PPARGC1A: variants seen among roughly 807,000 people sequenced by gnomAD.
PPARGC1A encodes PPARG coactivator 1 alpha, also known as peroxisome proliferator-activated receptor gamma coactivator 1-alpha.
In PPARGC1A, 25 loss-of-function variants were observed where a neutral mutation model predicts 88.7. The ratio of observed to expected loss-of-function variants is 0.28; its 90% CI spans 0.21 to 0.39. The LOEUF (loss-of-function observed/expected upper bound fraction) is 0.39, where lower values mean the gene tolerates loss of function less well. PPARGC1A is among the 10% of genes least tolerant of loss of function. The pLI, the probability that PPARGC1A is intolerant of heterozygous loss-of-function variation, is 1.00. For missense variants in PPARGC1A, 880 were observed against 968.7 expected (o/e 0.91, Z 1.22); for synonymous variants, 363 against 355.6 (o/e 1.02, Z -0.24).
At chr4:24,393,863 C>A in the PPARGC1A span, among the ~76,000 whole-genome samples, 1 of 152,166 alleles carries the variant, frequency 6.6e-6, no homozygotes, top group Non-Finnish European at 1.5e-5. Flanking sequence ...TCACATCTGT[C>A]ATCTCAATGT....
At chr4:24,225,321 G>A in the PPARGC1A span, among the ~76,000 whole-genome samples, 5 of 152,290 alleles carry the variant, frequency 3.3e-5, no homozygotes, top group East Asian at 7.7e-4. Flanking sequence ...TCTAATCCCT[G>A]CACTTTGAGA....
chr4:24,322,445 A>T, the PPARGC1A span, among the ~76,000 whole-genome samples: 1 of 152,344 alleles, frequency 6.6e-6, no homozygotes, highest in African/African-American at 2.4e-5. Context: ...CAGACACTTT[A>T]TTCCTAGCTG....
At chr4:24,103,595 C>A in the PPARGC1A span, among the ~76,000 whole-genome samples, 944 of 121,064 alleles carry the variant, frequency 7.8e-3, no homozygotes, top group Middle Eastern at 0.013. Context: ...TGCCTTCTTC[C>A]AAAAAAAAAA....
At chr4:24,348,262 A>C in the PPARGC1A span, among the ~76,000 whole-genome samples, 1 of 152,310 alleles carries the variant, frequency 6.6e-6, no homozygotes, top group South Asian at 2.1e-4. Context: ...GTAACTTTGT[A>C]TAACCGGATC....
the PPARGC1A span, among the ~76,000 whole-genome samples, chr4:23,949,396 A>G: frequency 6.6e-6 from 1 of 152,182 alleles, no homozygotes; most frequent in South Asian, 2.1e-4. Flanking sequence ...AATTACGTAC[A>G]GGTAGCGGCT....
At chr4:23,996,494 C>CTA in the PPARGC1A span, among the ~76,000 whole-genome samples, 1 of 152,260 alleles carries the variant, frequency 6.6e-6, no homozygotes, top group East Asian at 1.9e-4. Context: ...CAGATCTGAT[C>CTA]AAAGCCTAAA....
chr4:24,190,290 T>C, the PPARGC1A span, among the ~76,000 whole-genome samples: 10 of 152,180 alleles, frequency 6.6e-5, 1 homozygote, highest in South Asian at 2.1e-3. Context: ...CCGAGGTGGG[T>C]GGATCATGAG....
chr4:24,254,618 G>A, the PPARGC1A span, among the ~76,000 whole-genome samples: 60,544 of 152,090 alleles, frequency 0.4, 12,692 homozygotes, highest in Non-Finnish European at 0.47. Context: ...CTGAAAGGGA[G>A]GTGTTTCAGA....
chr4:23,975,765 G>A, the PPARGC1A span, among the ~76,000 whole-genome samples: 1 of 152,314 alleles, frequency 6.6e-6, no homozygotes, highest in African/African-American at 2.4e-5. Context: ...TAGTGCAGGT[G>A]CTAGAACCAG....
At chr4:24,114,162 C>T in the PPARGC1A span, among the ~76,000 whole-genome samples, 1 of 150,314 alleles carries the variant, frequency 6.7e-6, no homozygotes, top group South Asian at 2.1e-4. Flanking sequence ...TGGAAAGAAC[C>T]CTGGGTTCCA....
At chr4:24,465,520 T>C in the PPARGC1A span, among the ~76,000 whole-genome samples, 7 of 152,206 alleles carry the variant, frequency 4.6e-5, no homozygotes, top group East Asian at 1.9e-4. Flanking sequence ...TGATTTCCTA[T>C]GGTCTCTCTG....
chr4:24,322,519 G>T, the PPARGC1A span, among the ~76,000 whole-genome samples: 2 of 152,172 alleles, frequency 1.3e-5, no homozygotes, highest in African/African-American at 4.8e-5. Context: ...CCTCTTGGAT[G>T]TATCTGTGTA....
At chr4:23,816,424 AATCTT>A (rs1221794380) in intron 7 of PPARGC1A, among the ~76,000 whole-genome samples, 8 of 152,312 alleles carry the variant, frequency 5.3e-5, no homozygotes, top group African/African-American at 1.4e-4. Flanking sequence ...CTATTTGGTC[AATCTT>A]ATCTTTTCTC....
At chr4:24,026,563 C>T in the PPARGC1A span, among the ~76,000 whole-genome samples, 1 of 151,770 alleles carries the variant, frequency 6.6e-6, no homozygotes, top group Non-Finnish European at 1.5e-5. Context: ...ATGAAAAGCT[C>T]AGTTTCAAAA....
At chr4:23,850,003 A>C (rs959268178) in intron 2 of PPARGC1A, among the ~76,000 whole-genome samples, 2 of 152,198 alleles carry the variant, frequency 1.3e-5, no homozygotes, top group Non-Finnish European at 2.9e-5. Flanking sequence ...AAGAAGAGAA[A>C]GAAAAGAAAA....
the PPARGC1A span, among the ~76,000 whole-genome samples, chr4:23,919,160 C>A: frequency 6.6e-6 from 1 of 152,140 alleles, no homozygotes; most frequent in Non-Finnish European, 1.5e-5. Context: ...ACTTTACATA[C>A]ACATTGTTTT....
At chr4:24,110,786 G>T in the PPARGC1A span, among the ~76,000 whole-genome samples, 1 of 152,210 alleles carries the variant, frequency 6.6e-6, no homozygotes, top group African/African-American at 2.4e-5. Context: ...AACTTCTCAA[G>T]AACCCAATGA....
chr4:23,913,357 C>A, the PPARGC1A span, among the ~76,000 whole-genome samples: 1 of 148,480 alleles, frequency 6.7e-6, no homozygotes, highest in Non-Finnish European at 1.5e-5. Flanking sequence ...TATCTTCCAA[C>A]TTACTGAATT....
chr4:24,081,042 C>A, the PPARGC1A span, among the ~76,000 whole-genome samples: 5 of 152,018 alleles, frequency 3.3e-5, no homozygotes, highest in Non-Finnish European at 7.4e-5. Flanking sequence ...ACATTGAGTA[C>A]ATTAATGATG....
Sources: allele counts gnomAD v4.1 joint callset (sites outside exome capture counted in the v4.1 genomes callset), GRCh38; gene constraint gnomAD v4.1.1; transcripts MANE v1.5; gene names NCBI Gene and HGNC (gene_info 2026-07-23, HGNC 2026-07-21).